ARB2A: variants seen among roughly 807,000 people sequenced by gnomAD.
ARB2A encodes ARB2 cotranscriptional regulator A.
chr5:94,092,549 C>A, the ARB2A span, among the ~76,000 whole-genome samples: 2 of 152,120 alleles, frequency 1.3e-5, no homozygotes, highest in East Asian at 3.9e-4. Flanking sequence ...TTCTGTTATA[C>A]ATTTTCTTGA....
chr5:93,790,619 T>G, the ARB2A span, among the ~76,000 whole-genome samples: 1 of 152,194 alleles, frequency 6.6e-6, no homozygotes, highest in Non-Finnish European at 1.5e-5. Context: ...GTAGTTCTAC[T>G]TTCCTCCCAC....
At chr5:93,763,919 G>T in the ARB2A span, among the ~76,000 whole-genome samples, 1 of 152,120 alleles carries the variant, frequency 6.6e-6, no homozygotes. Flanking sequence ...CAACTACATG[G>T]AAACTGAACA....
At chr5:93,857,836 G>A in the ARB2A span, among the ~76,000 whole-genome samples, 12 of 152,276 alleles carry the variant, frequency 7.9e-5, no homozygotes, top group East Asian at 5.8e-4. Context: ...AGATGAACCC[G>A]GTACCTCAGA....
At chr5:93,866,962 T>A in the ARB2A span, among the ~76,000 whole-genome samples, 1 of 152,098 alleles carries the variant, frequency 6.6e-6, no homozygotes, top group African/African-American at 2.4e-5. Context: ...ATGGCCTGAA[T>A]GAATTGTACA....
chr5:94,071,356 C>T, the ARB2A span, among the ~76,000 whole-genome samples: 1 of 151,628 alleles, frequency 6.6e-6, no homozygotes, highest in Non-Finnish European at 1.5e-5. Context: ...TTTGACATGA[C>T]ACTAAATGCA....
the ARB2A span, among the ~76,000 whole-genome samples, chr5:93,816,132 TTTGA>T: frequency 6.6e-6 from 1 of 152,182 alleles, no homozygotes; most frequent in South Asian, 2.1e-4. Flanking sequence ...GTTAAATAGC[TTTGA>T]TTGTGAATTC....
At chr5:94,018,681 T>C in the ARB2A span, among the ~76,000 whole-genome samples, 1 of 152,150 alleles carries the variant, frequency 6.6e-6, no homozygotes, top group Non-Finnish European at 1.5e-5. Context: ...ACATCCCTTG[T>C]AAGTTGTATT....
the ARB2A span, among the ~76,000 whole-genome samples, chr5:93,874,492 C>CAGA: frequency 6.6e-6 from 1 of 152,150 alleles, no homozygotes; most frequent in Admixed American, 6.5e-5. Flanking sequence ...ACAGAGGGGA[C>CAGA]AGAAGCTCAG....
At chr5:93,799,910 G>A in the ARB2A span, among the ~76,000 whole-genome samples, 48 of 151,876 alleles carry the variant, frequency 3.2e-4, 1 homozygote, top group Middle Eastern at 3.4e-3. Flanking sequence ...CATTTCCCCC[G>A]AACTGTATAT....
chr5:94,013,693 A>C, the ARB2A span, among the ~76,000 whole-genome samples: 1 of 152,152 alleles, frequency 6.6e-6, no homozygotes, highest in Non-Finnish European at 1.5e-5. Context: ...AAAAGGGAAA[A>C]GAGACACTAG....
chr5:93,916,721 A>G, the ARB2A span, among the ~76,000 whole-genome samples: 16 of 152,176 alleles, frequency 1.1e-4, no homozygotes, highest in African/African-American at 3.6e-4. Flanking sequence ...GACCTCAGTT[A>G]GTAACAGCAA....
chr5:93,663,614 C>T, the ARB2A span, among the ~76,000 whole-genome samples: 1 of 152,002 alleles, frequency 6.6e-6, no homozygotes, highest in African/African-American at 2.4e-5. Context: ...TGTCTAAGGG[C>T]ATGTACGACG....
At chr5:93,627,146 C>T in the ARB2A span, among the ~76,000 whole-genome samples, 1 of 152,190 alleles carries the variant, frequency 6.6e-6, no homozygotes. Context: ...AGCAATTCAG[C>T]CACATCTTCA....
At chr5:93,892,863 A>C in the ARB2A span, among the ~76,000 whole-genome samples, 1 of 152,172 alleles carries the variant, frequency 6.6e-6, no homozygotes, top group Non-Finnish European at 1.5e-5. Context: ...AAGAGTCCTT[A>C]GCAGATTACT....
the ARB2A span, among the ~76,000 whole-genome samples, chr5:93,877,414 G>A: frequency 1.3e-5 from 2 of 151,950 alleles, no homozygotes; most frequent in Non-Finnish European, 2.9e-5. Context: ...TATCACTTAG[G>A]CCTAATCTTG....
the ARB2A span, among the ~76,000 whole-genome samples, chr5:93,912,808 A>G: frequency 6.6e-6 from 1 of 151,860 alleles, no homozygotes; most frequent in African/African-American, 2.4e-5. Context: ...TTCCTTACTG[A>G]ACACAACATC....
chr5:93,910,963 C>G, the ARB2A span: 2 of 151,416 alleles, frequency 1.3e-5, no homozygotes, highest in Non-Finnish European at 3.0e-5. Context: ...AATTCACATT[C>G]AGAAGAGAGT....
the ARB2A span, among the ~76,000 whole-genome samples, chr5:94,032,875 G>A: frequency 1.3e-5 from 2 of 152,146 alleles, no homozygotes; most frequent in Admixed American, 6.5e-5. Flanking sequence ...TATGATAAAG[G>A]TTAGGCTTTG....
chr5:93,769,154 C>T, the ARB2A span, among the ~76,000 whole-genome samples: 1 of 152,026 alleles, frequency 6.6e-6, no homozygotes, highest in South Asian at 2.1e-4. Flanking sequence ...GGAAAAACTA[C>T]AGTATTAAAT....
Sources: gnomAD v4.1 joint callset for allele counts (sites outside exome capture counted in the v4.1 genomes callset) on GRCh38, gnomAD v4.1.1 for gene constraint, MANE v1.5 for transcripts, NCBI Gene and HGNC (gene_info 2026-07-23, HGNC 2026-07-21) for gene names.